Variants in MPHOSPH9 observed in about 807,000 individuals in gnomAD.
MPHOSPH9 encodes M-phase phosphoprotein 9.
A neutral mutation model predicts 145.5 loss-of-function variants in MPHOSPH9; 88 were observed. That is an observed-to-expected ratio of 0.60 (90% confidence interval 0.51 to 0.72). MPHOSPH9 has a LOEUF of 0.72. Ranked by LOEUF, MPHOSPH9 falls within the 30% of genes least tolerant of loss-of-function variation. The pLI is 0.00. For missense variants in MPHOSPH9, 1,238 were observed against 1,386.6 expected, an observed-to-expected ratio of 0.89 and a Z score of 1.70; for synonymous variants, 435 against 486.2, an observed-to-expected ratio of 0.89 and a Z score of 1.39.
chr12:123,205,522 T>G (rs752140292), intron 8 of MPHOSPH9, among the ~76,000 whole-genome samples: 12 of 151,654 alleles, frequency 7.9e-5, no homozygotes, highest in Non-Finnish European at 1.6e-4. Flanking sequence ...TTCCAGCCTG[T>G]GAAACAGAGC....
intron 11 of MPHOSPH9, among the ~76,000 whole-genome samples, 153 bp from the exon 12 acceptor site, chr12:123,198,487 A>G (rs572700963): frequency 1.3e-5 from 2 of 152,264 alleles, no homozygotes; most frequent in African/African-American, 2.4e-5. Flanking sequence ...ATATAGCCCA[A>G]TGAATCTAAT....
At chr12:123,177,144 C>A (rs995623642) in intron 15 of MPHOSPH9, among the ~76,000 whole-genome samples, 2 of 151,712 alleles carry the variant, frequency 1.3e-5, no homozygotes, top group Non-Finnish European at 2.9e-5. Flanking sequence ...GAGCCGAGAT[C>A]GCACCAGCCT....
intron 2 of MPHOSPH9, among the ~76,000 whole-genome samples, chr12:123,229,007 G>A (rs1445996837): frequency 3.3e-5 from 5 of 151,988 alleles, no homozygotes; most frequent in African/African-American, 7.3e-5. Flanking sequence ...TCCTTTTCTC[G>A]TTTTATTTCA....
Position 123,172,750 on chromosome 12 carries a change from C to T in MPHOSPH9, c.2456+3938G>A, listed in dbSNP as rs537280621. Among the ~76,000 whole-genome samples the T allele has an allele frequency of 5.9e-5, 9 of 152,310 alleles. No individual in the cohort carries two copies. In the South Asian group the frequency reaches 1.9e-3, roughly 32 times the overall value. On this transcript the variant is annotated intron_variant, in intron 16 of 23. Transcript: ENST00000606320. ...CAGGTAGTTCATGCCACATGTGGCC[C>T]CACAGGCTGGGGTCTGCCAACTCGG...
intron 7 of MPHOSPH9, among the ~76,000 whole-genome samples, chr12:123,212,409 G>A (rs2046767108): frequency 6.6e-6 from 1 of 152,162 alleles, no homozygotes; most frequent in African/African-American, 2.4e-5. Flanking sequence ...ACAGAGCACA[G>A]CCAGGCGCAA....
rs900006699 is a variant in MPHOSPH9, at chr12:123,156,605, A to G, written c.*202T>C. The stretch of plus-strand genomic sequence containing the variant: ...AATAATGCTTTTTAAATAGTAAAAT[A>G]TACAAGAGATTCCTGAGCATAACAA... On this transcript the variant is annotated 3_prime_UTR_variant, in exon 24 of 24. Transcript: ENST00000606320. 1 of 405,508 alleles carries G rather than the reference A, an allele frequency of 2.5e-6. No homozygotes were observed. The highest frequency in any genetic ancestry group is 4.4e-6 in the Non-Finnish European group (1 of 227,464). 25.1% of individuals were successfully genotyped at this position (405,508 alleles called of 1,614,324 possible).
Position 123,218,394 on chromosome 12 carries a change from C to T in MPHOSPH9, c.978G>A (p.Lys326=). ...CACCTACTTTCTCAATTGGTGTCTT[C>T]TTACTTTGCTCATTTCCTTGTTTAG... ...SRSKQGNEQS[K]KTPIEKSDFA... Residue 326 remains lysine, a synonymous_variant, in exon 6 of 24, where the codon AAG becomes AAA. Coordinates refer to ENST00000606320, the MANE Select transcript of MPHOSPH9 (RefSeq NM_022782.4). 6.2e-7 allele frequency: 1 copy of T among 1,614,088 alleles called. No homozygotes were observed. The highest frequency in any genetic ancestry group is 8.5e-7 in the Non-Finnish European group (1 of 1,179,954).
chr12:123,230,908 TGTGA>T (rs982937354), intron 1 of MPHOSPH9, among the ~76,000 whole-genome samples: 1 of 152,106 alleles, frequency 6.6e-6, no homozygotes, highest in Non-Finnish European at 1.5e-5. Flanking sequence ...AAGGAGAGAA[TGTGA>T]GTGAGTGCAG....
intron 8 of MPHOSPH9, among the ~76,000 whole-genome samples, chr12:123,205,939 C>T (rs578066878): frequency 1.3e-5 from 2 of 152,150 alleles, no homozygotes; most frequent in Non-Finnish European, 2.9e-5. Context: ...TACAATGAAG[C>T]TCCTGAGGAC....
At chr12:123,198,897 C>A (rs2138312883) in intron 11 of MPHOSPH9, among the ~76,000 whole-genome samples, 1 of 145,256 alleles carries the variant, frequency 6.9e-6, no homozygotes, top group Admixed American at 6.9e-5. Context: ...TTGATCTTAG[C>A]TTGAAAAAAA....
intron 7 of MPHOSPH9, among the ~76,000 whole-genome samples, chr12:123,212,609 G>C (rs910689083): frequency 6.6e-6 from 1 of 150,912 alleles, no homozygotes; most frequent in Non-Finnish European, 1.5e-5. Flanking sequence ...GAAGCTGAAG[G>C]CTGAGGCAGA....
intron 6 of MPHOSPH9, among the ~76,000 whole-genome samples, chr12:123,217,953 G>A (rs577200133): frequency 1.1e-3 from 164 of 151,948 alleles, no homozygotes; most frequent in African/African-American, 3.7e-3. Context: ...GCTGAGGCAG[G>A]AGAATGGCGT....
chr12:123,208,248 C>T (rs2046534062), intron 8 of MPHOSPH9, among the ~76,000 whole-genome samples: 1 of 148,916 alleles, frequency 6.7e-6, no homozygotes, highest in South Asian at 2.1e-4. Flanking sequence ...CAAAGAAAAT[C>T]CAGCAAATTG....
At chr12:123,222,753 A>G (rs1193199225) in intron 4 of MPHOSPH9, among the ~76,000 whole-genome samples, 1 of 152,158 alleles carries the variant, frequency 6.6e-6, no homozygotes, top group Admixed American at 6.6e-5. Flanking sequence ...CCTAGTGAAC[A>G]TGGCAAAACC....
intron 2 of MPHOSPH9, among the ~76,000 whole-genome samples, chr12:123,228,300 G>T (rs189852614): frequency 8.5e-4 from 130 of 152,102 alleles, no homozygotes; most frequent in Non-Finnish European, 1.5e-3. Context: ...TTTATTTACT[G>T]CTTGATATCC....
chr12:123,210,542 A>G (rs1012403978), intron 7 of MPHOSPH9, among the ~76,000 whole-genome samples: 15 of 151,892 alleles, frequency 9.9e-5, no homozygotes, highest in African/African-American at 3.6e-4. Flanking sequence ...AAAATCCAAA[A>G]ATCAGCCAGG....
rs4044136 is a variant in MPHOSPH9, at chr12:123,193,108, T to TACACACAC, written c.2241+1270_2241+1277dup. Among the ~76,000 whole-genome samples the TACACACAC allele has an allele frequency of 1.4e-3, 134 of 94,892 alleles. 1 individual carries two copies. The highest frequency in any genetic ancestry group is 4.9e-3 in the African/African-American group (116 of 23,822). The allele number at this position is 94,892 out of a possible 152,430, so 62.3% of individuals were successfully genotyped here. A position where few individuals can be genotyped will look rare whatever the true frequency, so the allele number is the denominator to read the frequency against. On this transcript the variant is annotated intron_variant, in intron 13 of 23. Transcript: ENST00000606320. The stretch of plus-strand genomic sequence containing the variant: ...AAAAAAAAAAAAAAATATATATATA[T>TACACACAC]ACACACACACACACACACACACACA...
intron 1 of MPHOSPH9, among the ~76,000 whole-genome samples, chr12:123,242,592 G>C (rs1171242408): frequency 6.6e-6 from 1 of 152,174 alleles, no homozygotes; most frequent in African/African-American, 2.4e-5. Flanking sequence ...TTGTCTGATT[G>C]GCTGTTGGAA....
At chr12:123,219,605 T>C (rs1030568237) in intron 5 of MPHOSPH9, among the ~76,000 whole-genome samples, 2 of 151,240 alleles carry the variant, frequency 1.3e-5, no homozygotes, top group African/African-American at 2.4e-5. Flanking sequence ...AAAAAGTCTG[T>C]AGCCATAGAC....
Sources: allele counts gnomAD v4.1 joint callset (sites outside exome capture counted in the v4.1 genomes callset), GRCh38; gene constraint gnomAD v4.1.1; transcripts MANE v1.5; gene names NCBI Gene and HGNC (gene_info 2026-07-23, HGNC 2026-07-21).